CCDC150: variants seen among roughly 807,000 people sequenced by gnomAD.
The protein encoded by CCDC150 is coiled-coil domain containing 150.
Under a neutral mutation model 156.5 loss-of-function variants are expected in CCDC150, and 151 were observed. The observed-to-expected ratio is 0.97, with a 90% CI of 0.85 to 1.10. The LOEUF (loss-of-function observed/expected upper bound fraction) is 1.10. Among genes scored for constraint, CCDC150 ranks in the 50% least tolerant of loss-of-function variants. The pLI is 0.00. For synonymous variants in CCDC150, 452 were observed against 429.4 expected, an observed-to-expected ratio of 1.05 and a Z score of -0.65; for missense variants, 1,312 against 1,268.1, an observed-to-expected ratio of 1.03 and a Z score of -0.53.
In CCDC150 at chr2:196,639,724, G is replaced by A; in HGVS notation, c.-43G>A. 6.6e-7 allele frequency: 1 copy of A among 1,518,662 alleles called. No individual in the cohort carries two copies. The highest frequency in any genetic ancestry group is 1.3e-5 in the South Asian group (1 of 76,796). 94.1% of individuals were successfully genotyped at this position (1,518,662 alleles called of 1,614,324 possible). ...TTTAAAATGCTGTGTTAGTTCCACG[G>A]AAACCCGCTCGCCTGCTGCAGTACG... On this transcript the variant is annotated 5_prime_UTR_variant, in exon 1 of 28. Transcript: ENST00000389175.
In CCDC150 at chr2:196,693,249, C is replaced by G. The variant is rs550998507; in HGVS notation, c.1510-1797C>G. ...CTCCAACCATTGTTGTGTATGTGGT[C>G]CGTCATTGACTGAAACATTGTTATG... On this transcript the variant is annotated intron_variant, in intron 13 of 27. Coordinates refer to ENST00000389175, the MANE Select transcript of CCDC150 (RefSeq NM_001080539.2). Among the ~76,000 whole-genome samples the G allele has an allele frequency of 3.3e-5, 5 of 152,248 alleles. No homozygotes were observed. In the East Asian group the frequency reaches 9.6e-4, roughly 29 times the overall value.
At chr2:196,682,754 A>T (rs939825271) in intron 13 of CCDC150, among the ~76,000 whole-genome samples, 1 of 152,086 alleles carries the variant, frequency 6.6e-6, no homozygotes, top group African/African-American at 2.4e-5. Flanking sequence ...TTATCATTTC[A>T]CTTGAAGTTG....
intron 2 of CCDC150, among the ~76,000 whole-genome samples, chr2:196,655,021 C>G (rs1693105970): frequency 6.6e-6 from 1 of 152,234 alleles, no homozygotes; most frequent in Non-Finnish European, 1.5e-5. Flanking sequence ...TAGCCACGCT[C>G]TCTAGATGCA....
intron 1 of CCDC150, among the ~76,000 whole-genome samples, chr2:196,644,506 A>C (rs1349025632): frequency 1.3e-5 from 2 of 152,056 alleles, no homozygotes; most frequent in Non-Finnish European, 2.9e-5. Context: ...CTACTTGAGG[A>C]ATACTATACT....
intron 7 of CCDC150, among the ~76,000 whole-genome samples, chr2:196,668,907 T>G (rs1407938984): frequency 6.6e-6 from 1 of 152,220 alleles, no homozygotes; most frequent in Non-Finnish European, 1.5e-5. Flanking sequence ...AAAGTACAGT[T>G]TTTCTAAGGT....
chr2:196,726,619 T>C, intron 22 of CCDC150: 1 of 154,676 alleles, frequency 6.5e-6, no homozygotes, highest in East Asian at 1.9e-4. Context: ...AAGTTTATTT[T>C]AGGCCATTTG....
chr2:196,655,360 T>C (rs887195611), intron 2 of CCDC150, among the ~76,000 whole-genome samples: 5 of 152,176 alleles, frequency 3.3e-5, no homozygotes, highest in African/African-American at 1.2e-4. Context: ...GTAGTCCTTA[T>C]ATGAGAGCTG....
chr2:196,668,555 T>TA (rs1433918289), intron 7 of CCDC150, among the ~76,000 whole-genome samples: 2 of 152,174 alleles, frequency 1.3e-5, no homozygotes, highest in Non-Finnish European at 2.9e-5. Flanking sequence ...CCTGTCTGAA[T>TA]GCCAGCTAGG....
intron 15 of CCDC150, among the ~76,000 whole-genome samples, chr2:196,710,941 A>G (rs900730814): frequency 3.3e-5 from 5 of 152,020 alleles, no homozygotes; most frequent in African/African-American, 1.2e-4. Context: ...GCATTTTTAA[A>G]GTTGTTTTTA....
intron 15 of CCDC150, among the ~76,000 whole-genome samples, chr2:196,704,228 C>T (rs1195818415): frequency 6.6e-6 from 1 of 152,128 alleles, no homozygotes; most frequent in East Asian, 1.9e-4. Flanking sequence ...TTAATGTAAA[C>T]TTTATTGGAA....
chr2:196,665,520 A>G, intron 5 of CCDC150, 47 bp from the exon 6 acceptor site: 1 of 1,113,374 alleles, frequency 9.0e-7, no homozygotes, highest in East Asian at 2.6e-5. Context: ...TCTTTGTTAA[A>G]CTAGTATGAT....
At chr2:196,713,379 C>A in intron 17 of CCDC150, 1 of 1,500,672 alleles carries the variant, frequency 6.7e-7, no homozygotes, top group Non-Finnish European at 8.9e-7. Flanking sequence ...AAAAGGAAAT[C>A]CCCAGAGAGG....
chr2:196,729,983 T>G lies in CCDC150; in HGVS notation c.2847T>G (p.Cys949Trp), dbSNP rs1381287042. The G allele has an allele frequency of 9.3e-6, 15 of 1,613,232 alleles. No individual in the cohort carries two copies. The highest frequency in any genetic ancestry group is 1.3e-5 in the Non-Finnish European group (15 of 1,179,696). The part of the protein sequence containing the change: ...EQSLSIQRFV[C>W]EMTNLQKEMQ... ...CTTTGAGTATCCAGAGATTTGTGTG[T>G]GAAATGACTAACCTGCAGAAAGAGA... is the stretch of plus-strand genomic sequence containing the variant. The change falls in exon 25 of 28, where the codon TGT becomes TGG. Residue 949 changes from cysteine (C) to tryptophan (W), a missense_variant. Transcript: ENST00000389175.
chr2:196,713,521 T>C, intron 17 of CCDC150: 4 of 1,550,594 alleles, frequency 2.6e-6, no homozygotes, highest in African/African-American at 1.4e-5. Flanking sequence ...CTAACCTGCC[T>C]TCTATGAAAA....
intron 1 of CCDC150, 80 bp from the exon 2 acceptor site, chr2:196,646,261 A>T: frequency 7.5e-7 from 1 of 1,334,874 alleles, no homozygotes; most frequent in Non-Finnish European, 1.1e-6. Context: ...AGTGATGCCT[A>T]ATCCTGGCAC....
At chr2:196,696,571 C>T (rs1339580634) in intron 14 of CCDC150, among the ~76,000 whole-genome samples, 1 of 152,122 alleles carries the variant, frequency 6.6e-6, no homozygotes, top group African/African-American at 2.4e-5. Context: ...TTTTTGCCTG[C>T]CTACCATGTC....
intron 26 of CCDC150, 98 bp from the exon 27 acceptor site, chr2:196,731,935 G>T: frequency 2.6e-6 from 3 of 1,133,786 alleles, no homozygotes; most frequent in Non-Finnish European, 3.8e-6. Context: ...CAGAATTTGG[G>T]TCTTTTAATT....
rs115934818 is a variant in CCDC150 at position 196,695,027 on chromosome 2, T to C, written c.1510-19T>C. ...CATCTGGCGTAAATAGTTTCTTTTT[T>C]ACTTTTGTTTCTTTAAAGGTAGACA... On this transcript the variant is annotated intron_variant, in intron 13 of 27. Transcript: ENST00000389175. 596 of 1,341,404 alleles carry C rather than the reference T, an allele frequency of 4.4e-4. 3 individuals carry two copies. The African/African-American group carries it at 7.6e-3, about 17-fold the overall frequency. 83.1% of individuals were successfully genotyped at this position (1,341,404 alleles called of 1,614,324 possible). A position where few individuals can be genotyped will look rare whatever the true frequency, so the allele number is the denominator to read the frequency against.
intron 2 of CCDC150, among the ~76,000 whole-genome samples, chr2:196,647,350 A>T (rs1692607402): frequency 6.6e-6 from 1 of 152,152 alleles, no homozygotes; most frequent in African/African-American, 2.4e-5. Context: ...ATATGCATAT[A>T]AACATATATG....
Sources: allele counts gnomAD v4.1 joint callset (sites outside exome capture counted in the v4.1 genomes callset), GRCh38; gene constraint gnomAD v4.1.1; transcripts MANE v1.5; gene names NCBI Gene and HGNC (gene_info 2026-07-23, HGNC 2026-07-21).